The following ADGRB3 variants were observed in gnomAD, a reference collection of about 807,000 sequenced individuals.
ADGRB3 encodes brain-specific angiogenesis inhibitor 3.
ADGRB3 carries 37 observed loss-of-function variants against 193.4 expected under a neutral mutation model. The ratio of observed to expected loss-of-function variants is 0.19; its 90% CI spans 0.15 to 0.25. The LOEUF is 0.25. ADGRB3 is among the 10% of genes least tolerant of loss of function. The probability of loss-of-function intolerance (pLI) is 1.00; values close to 1 mark genes in which losing one functional copy is unlikely to be tolerated. For missense variants in ADGRB3, 1,637 were observed against 1,852.9 expected (o/e 0.88, Z 2.14); for synonymous variants, 690 against 644.2 (o/e 1.07, Z -1.08).
chr6:68,890,344 G>T (rs1161179381), intron 3 of ADGRB3, among the ~76,000 whole-genome samples: 1 of 152,150 alleles, frequency 6.6e-6, no homozygotes, highest in Non-Finnish European at 1.5e-5. Flanking sequence ...AACATTTTAT[G>T]CTTCTTTCCA....
At chr6:69,153,932 G>A (rs938396196) in intron 17 of ADGRB3, among the ~76,000 whole-genome samples, 4 of 152,112 alleles carry the variant, frequency 2.6e-5, no homozygotes, top group Middle Eastern at 3.2e-3. Flanking sequence ...GGCAGAGCCT[G>A]CAGTGAGCCG....
chr6:69,031,521 C>CTTTT, intron 13 of ADGRB3, among the ~76,000 whole-genome samples: 2 of 47,588 alleles, frequency 4.2e-5, no homozygotes, highest in Non-Finnish European at 1.0e-4. Flanking sequence ...TGAGTTGTCT[C>CTTTT]TTTCTTTCTT....
chr6:68,975,432 C>G, intron 10 of ADGRB3, 92 bp downstream of exon 10: 1 of 903,942 alleles, frequency 1.1e-6, no homozygotes, highest in Admixed American at 2.5e-5. Flanking sequence ...ACAATCAAAT[C>G]AGTAACATCT....
At chr6:68,877,534 T>A (rs1765627133) in intron 3 of ADGRB3, among the ~76,000 whole-genome samples, 1 of 152,148 alleles carries the variant, frequency 6.6e-6, no homozygotes, top group African/African-American at 2.4e-5. Flanking sequence ...ACAGTTATAC[T>A]TTCATTGAAG....
chr6:68,898,562 C>T (rs1326509706), intron 3 of ADGRB3, among the ~76,000 whole-genome samples: 1 of 152,056 alleles, frequency 6.6e-6, no homozygotes, highest in Non-Finnish European at 1.5e-5. Flanking sequence ...ATTCCTGGCA[C>T]TATTTTAAAA....
At chr6:69,298,665 T>A (rs1360403426) in intron 20 of ADGRB3, among the ~76,000 whole-genome samples, 1 of 152,056 alleles carries the variant, frequency 6.6e-6, no homozygotes, top group Non-Finnish European at 1.5e-5. Context: ...CTTATTTCAT[T>A]TACCATAATG....
At chr6:68,969,426 G>A (rs1195606482) in intron 8 of ADGRB3, among the ~76,000 whole-genome samples, 2 of 152,150 alleles carry the variant, frequency 1.3e-5, no homozygotes, top group African/African-American at 2.4e-5. Context: ...AATATGAGCC[G>A]TGATGGGAAT....
intron 3 of ADGRB3, among the ~76,000 whole-genome samples, chr6:68,924,142 A>G (rs538945858): frequency 6.6e-6 from 1 of 152,194 alleles, no homozygotes; most frequent in South Asian, 2.1e-4. Flanking sequence ...GCAAACTATT[A>G]CTGCTGATTT....
At chr6:68,774,392 G>A (rs1014386977) in intron 3 of ADGRB3, among the ~76,000 whole-genome samples, 1 of 148,544 alleles carries the variant, frequency 6.7e-6, no homozygotes, top group African/African-American at 2.5e-5. Context: ...TTTTTTGGTG[G>A]GGGGAATATG....
At chr6:68,659,735 T>A (rs969643741) in intron 3 of ADGRB3, among the ~76,000 whole-genome samples, 1 of 151,148 alleles carries the variant, frequency 6.6e-6, no homozygotes, top group Non-Finnish European at 1.5e-5. Context: ...AGCATTTGCA[T>A]AATTTAACAG....
rs754128610 is a variant in ADGRB3 at position 68,936,617 on chromosome 6, G to C, written c.967G>C (p.Gly323Arg). 6.2e-7 allele frequency: 1 copy of C among 1,613,872 alleles called. No homozygotes were observed. The highest frequency in any genetic ancestry group is 1.1e-5 in the South Asian group (1 of 91,044). Residue 323 changes from glycine to arginine, a missense_variant, in exon 5 of 32, where the codon GGG (glycine) becomes CGG (arginine). This residue lies in a region of ADGRB3 where 365 missense variants were observed against 409.8 expected (regional missense o/e 0.89). Coordinates refer to ENST00000370598, the MANE Select transcript of ADGRB3 (RefSeq NM_001704.3). ...VRTRTCVSPY[G>R]THCSGPLRES... ...AACCAGAACTTGTGTATCACCTTAC[G>C]GGACACACTGCAGCGGCCCATTAAG... is the stretch of plus-strand genomic sequence containing the variant.
chr6:69,260,810 G>C (rs78054470), intron 20 of ADGRB3, among the ~76,000 whole-genome samples: 2 of 152,122 alleles, frequency 1.3e-5, no homozygotes, highest in African/African-American at 4.8e-5. Flanking sequence ...TGCCATTGTA[G>C]TTTTTCACAG....
intron 20 of ADGRB3, among the ~76,000 whole-genome samples, chr6:69,254,861 C>T (rs1766717770): frequency 8.5e-6 from 1 of 117,514 alleles, no homozygotes; most frequent in Admixed American, 9.8e-5. Flanking sequence ...TCCCCCCTCC[C>T]CCCACCCCAC....
chr6:68,838,174 C>T (rs1219013309), intron 3 of ADGRB3, among the ~76,000 whole-genome samples: 1 of 152,116 alleles, frequency 6.6e-6, no homozygotes, highest in Admixed American at 6.6e-5. Flanking sequence ...TGGAGGCTTT[C>T]TCTTAAAAGA....
chr6:68,887,032 T>C (rs180752474), intron 3 of ADGRB3, among the ~76,000 whole-genome samples: 2 of 151,486 alleles, frequency 1.3e-5, no homozygotes, highest in Admixed American at 1.3e-4. Flanking sequence ...TAAAAAGATA[T>C]AGGAATATTT....
chr6:69,269,221 A>G (rs530253043), intron 20 of ADGRB3, among the ~76,000 whole-genome samples: 36 of 152,316 alleles, frequency 2.4e-4, no homozygotes, highest in African/African-American at 8.4e-4. Context: ...AGGTTTGTCC[A>G]ATTCCAGAAA....
chr6:68,873,030 A>T lies in ADGRB3; in HGVS notation c.758-57529A>T, dbSNP rs557286462. 2.6e-5 allele frequency among the ~76,000 whole-genome samples: 4 copies of T among 152,220 alleles called. No individual in the cohort carries two copies. The South Asian group carries it at 6.2e-4, about 24-fold the overall frequency. ...AGATTCATTAATGTAGAGTGGCTAC[A>T]TTCTTCTCCAAGTTCCACAAACCCA... On this transcript the variant is annotated intron_variant, in intron 3 of 31. Coordinates refer to ENST00000370598, the MANE Select transcript of ADGRB3 (RefSeq NM_001704.3).
At chr6:68,654,417 T>G (rs1768443776) in intron 3 of ADGRB3, among the ~76,000 whole-genome samples, 2 of 151,972 alleles carry the variant, frequency 1.3e-5, no homozygotes, top group Admixed American at 1.3e-4. Context: ...TAAAACAGAC[T>G]TCAGTAGTCA....
chr6:68,993,913 C>T lies in ADGRB3; in HGVS notation c.1880C>T (p.Thr627Ile). Residue 627 changes from threonine (T) to isoleucine (I), a missense_variant, in exon 11 of 32, where the codon ACA becomes ATA. Thr to Ile is a moderately conservative substitution (Grantham distance 89). This residue lies in a region of ADGRB3 where 641 missense variants were observed against 673.9 expected (regional missense o/e 0.95). Coordinates refer to ENST00000370598, the MANE Select transcript of ADGRB3 (RefSeq NM_001704.3). ...TCTGTGGAGATCCTGAGAAATGTGACAGACACATTTAAAAGGGCAAGTTAC... is the reference window on the plus strand; with the variant it reads ...TCTGTGGAGATCCTGAGAAATGTGATAGACACATTTAAAAGGGCAAGTTAC... The part of the protein sequence containing the change: ...LMSVEILRNV[T>I]DTFKRASYIP... The T allele has an allele frequency of 6.2e-7, 1 of 1,613,788 alleles. No homozygotes were observed. The highest frequency in any genetic ancestry group is 8.5e-7 in the Non-Finnish European group (1 of 1,179,822).
Sources: gnomAD v4.1 joint callset for allele counts (sites outside exome capture counted in the v4.1 genomes callset) on GRCh38, gnomAD v4.1.1 for gene constraint, gnomAD v4.1.1 regional missense constraint, MANE v1.5 for transcripts, NCBI Gene and HGNC (gene_info 2026-07-23, HGNC 2026-07-21) for gene names.